Variants in LRRN1 observed in about 807,000 individuals in gnomAD.
LRRN1 encodes the protein leucine rich repeat neuronal 1.
Under a neutral mutation model 45.8 loss-of-function variants are expected in LRRN1, and 14 were observed. That is an observed-to-expected ratio of 0.31 (90% confidence interval 0.20 to 0.48). The LOEUF (loss-of-function observed/expected upper bound fraction) is 0.48, where lower values mean the gene tolerates loss of function less well. Ranked by LOEUF, LRRN1 falls within the 20% of genes least tolerant of loss-of-function variation. LRRN1 has a pLI of 0.99. For synonymous variants in LRRN1, 359 were observed against 330.1 expected (o/e 1.09, Z -0.95); for missense variants, 789 against 874.2 (o/e 0.90, Z 1.23).
intron 1 of LRRN1, among the ~76,000 whole-genome samples, chr3:3,837,417 C>T (rs1413628080): frequency 1.3e-5 from 2 of 152,076 alleles, no homozygotes; most frequent in African/African-American, 4.8e-5. Context: ...AGCACCATTC[C>T]TTGGGTTCCT....
At chr3:3,834,810 T>G (rs1559303156) in intron 1 of LRRN1, among the ~76,000 whole-genome samples, 1 of 151,502 alleles carries the variant, frequency 6.6e-6, no homozygotes, top group Non-Finnish European at 1.5e-5. Context: ...CTTCTTTTCA[T>G]GTTTTTCTGC....
Position 3,815,834 on chromosome 3 carries a change from A to G in LRRN1, c.-279+15915A>G, listed in dbSNP as rs114016520. Among the ~76,000 whole-genome samples, 768 of 152,298 alleles carry G rather than the reference A, an allele frequency of 5.0e-3. 8 individuals carry two copies. Among genetic ancestry groups the G allele is most frequent in the African/African-American group, 0.018 (748 of 41,570 alleles). ...AACTCTACAGAAATTTTTAAGGTAC[A>G]TGTTCATCCTAGACATATATGATTG... On this transcript the variant is annotated intron_variant, in intron 1 of 1. Coordinates refer to ENST00000319331, the MANE Select transcript of LRRN1 (RefSeq NM_020873.7).
At chr3:3,800,996 G>A (rs765338874) in intron 1 of LRRN1, 5 of 152,376 alleles carry the variant, frequency 3.3e-5, no homozygotes, top group East Asian at 1.9e-4. Context: ...GGGGCTCGGG[G>A]AAAAGTCCAG....
At chr3:3,805,842 T>TGA (rs752718048) in intron 1 of LRRN1, among the ~76,000 whole-genome samples, 1 of 152,206 alleles carries the variant, frequency 6.6e-6, no homozygotes, top group Non-Finnish European at 1.5e-5. Context: ...AAGTATATAT[T>TGA]GAGCACCTGC....
chr3:3,844,654 A>T lies in LRRN1; in HGVS notation c.13A>T (p.Ser5Cys). 2 of 1,610,436 alleles carry T rather than the reference A, an allele frequency of 1.2e-6. No individual in the cohort carries two copies. The highest frequency in any genetic ancestry group is 1.7e-6 in the Non-Finnish European group (2 of 1,177,474). The change falls in exon 2 of 2, where the codon AGC (serine) becomes TGC (cysteine). Residue 5 changes from serine to cysteine, a missense_variant. Transcript: ENST00000319331. MARM[S>C]FVIAACQLVL... Reference sequence around the variant, plus strand: ...TCAGCAAGCCAGCATGGCTAGGATGAGCTTTGTTATAGCAGCTTGCCAATT... The same window carrying T: ...TCAGCAAGCCAGCATGGCTAGGATGTGCTTTGTTATAGCAGCTTGCCAATT...
At chr3:3,802,457 C>T (rs1363516248) in intron 1 of LRRN1, among the ~76,000 whole-genome samples, 1 of 152,166 alleles carries the variant, frequency 6.6e-6, no homozygotes, top group Non-Finnish European at 1.5e-5. Context: ...ATACAACACC[C>T]CCCCAACCCC....
rs139395813 is a variant in LRRN1 at position 3,821,707 on chromosome 3, G to C, written c.-279+21788G>C. ...AACAGGTTTGTCTCAATCACAAACA[G>C]TAGGATGGATTTTTGCTAAATTGCA... On this transcript the variant is annotated intron_variant, in intron 1 of 1. Transcript: ENST00000319331. 1.1e-3 allele frequency among the ~76,000 whole-genome samples: 165 copies of C among 152,342 alleles called. 4 individuals are homozygous for C. In the East Asian group the frequency reaches 0.029, roughly 27 times the overall value.
rs1453964871 is a variant in LRRN1, at chr3:3,816,129, AGCTATTATAGAAT to A, written c.-279+16213_-279+16225del. Among the ~76,000 whole-genome samples, 14 of 152,198 alleles carry A rather than the reference AGCTATTATAGAAT, an allele frequency of 9.2e-5. No homozygotes were observed. The highest frequency in any genetic ancestry group is 2.9e-5 in the Non-Finnish European group (2 of 68,022). ...TTAATAATGAACATATTAGTTGAAG[AGCTATTATAGAAT>A]GCACTATGATTTATAATGCATTTTA... On this transcript the variant is annotated intron_variant, in intron 1 of 1. Coordinates refer to ENST00000319331, the MANE Select transcript of LRRN1 (RefSeq NM_020873.7). The surrounding 1 kb of genome is among the most constrained non-coding windows in gnomAD (Gnocchi z 4.0).
chr3:3,830,558 G>A (rs530376596), intron 1 of LRRN1, among the ~76,000 whole-genome samples: 14 of 152,310 alleles, frequency 9.2e-5, no homozygotes, highest in African/African-American at 3.4e-4. Context: ...TGTGAACCAG[G>A]CCCTAGTCTT....
At position 3,799,845 on chromosome 3, in the gene LRRN1, C is replaced by T; in HGVS notation, c.-353C>T. The stretch of plus-strand genomic sequence containing the variant: ...CCTCCTCGTCTTTCTCCTCCTCCTG[C>T]TGCTGCTGCCGCCGCCGCCGCCGTG... On this transcript the variant is annotated 5_prime_UTR_variant, in exon 1 of 2. Transcript: ENST00000319331. 6.1e-6 allele frequency: 1 copy of T among 163,694 alleles called. No individual in the cohort carries two copies. Among genetic ancestry groups the T allele is most frequent in the Non-Finnish European group, 1.3e-5 (1 of 76,448 alleles). 10.1% of individuals were successfully genotyped at this position (163,694 alleles called of 1,614,324 possible).
chr3:3,817,036 C>G (rs931335072), intron 1 of LRRN1, among the ~76,000 whole-genome samples: 1 of 152,100 alleles, frequency 6.6e-6, no homozygotes, highest in African/African-American at 2.4e-5. Flanking sequence ...TTATGGAGGC[C>G]GAGAAGCCCC....
In LRRN1 at chr3:3,829,571, T is replaced by C. The variant is rs540516304; in HGVS notation, c.-278-14793T>C. Among the ~76,000 whole-genome samples, 9 of 152,300 alleles carry C rather than the reference T, an allele frequency of 5.9e-5. No homozygotes were observed. In the South Asian group the frequency reaches 1.7e-3, roughly 28 times the overall value. On this transcript the variant is annotated intron_variant, in intron 1 of 1. Coordinates refer to ENST00000319331, the MANE Select transcript of LRRN1 (RefSeq NM_020873.7). ...GAACTTTGCTGCAGCCCTGCAAATA[T>C]TGTCACCTAGTTGGCATTTTAATTG... is the stretch of plus-strand genomic sequence containing the variant.
intron 1 of LRRN1, among the ~76,000 whole-genome samples, chr3:3,807,178 A>G (rs528429119): frequency 1.3e-5 from 2 of 152,226 alleles, no homozygotes; most frequent in African/African-American, 4.8e-5. Context: ...CCCCCTACCT[A>G]ATGGCTTATC....
intron 1 of LRRN1, among the ~76,000 whole-genome samples, chr3:3,814,551 A>G (rs1338817384): frequency 3.9e-5 from 6 of 152,142 alleles, no homozygotes; most frequent in African/African-American, 1.2e-4. Context: ...TAAAATTTGT[A>G]TATTGGAACT....
Position 3,844,729 on chromosome 3 carries a change from A to C in LRRN1, c.88A>C (p.Ser30Arg), listed in dbSNP as rs1171147705. 1 of 1,614,150 alleles carries C rather than the reference A, an allele frequency of 6.2e-7. No individual in the cohort carries two copies. Among genetic ancestry groups the C allele is most frequent in the Non-Finnish European group, 8.5e-7 (1 of 1,180,014 alleles). Reference sequence around the variant, plus strand: ...ATTAACCGAGTCTTCCATACAGAATAGTGAGTGTCCACAACTTTGCGTATG... The same window carrying C: ...ATTAACCGAGTCTTCCATACAGAATCGTGAGTGTCCACAACTTTGCGTATG... ...TSLTESSIQNSECPQLCVCEI... is the reference protein window; with the variant it reads ...TSLTESSIQNRECPQLCVCEI... Residue 30 changes from serine (S) to arginine (R), a missense_variant, in exon 2 of 2, where the codon AGT becomes CGT. By Grantham distance (110) the Ser-to-Arg change is moderately radical (BLOSUM62 -1). Coordinates refer to ENST00000319331, the MANE Select transcript of LRRN1 (RefSeq NM_020873.7).
chr3:3,839,313 A>G (rs530581564), intron 1 of LRRN1, among the ~76,000 whole-genome samples: 53 of 152,274 alleles, frequency 3.5e-4, no homozygotes, highest in Admixed American at 1.2e-3. Context: ...GAGCATGTAT[A>G]GAAGGCTTTA....
At chr3:3,818,656 T>A (rs534888720) in intron 1 of LRRN1, among the ~76,000 whole-genome samples, 18 of 152,324 alleles carry the variant, frequency 1.2e-4, no homozygotes, top group Admixed American at 1.0e-3. Flanking sequence ...GTATCTGGTG[T>A]GTGACTTTCA....
intron 1 of LRRN1, among the ~76,000 whole-genome samples, chr3:3,825,069 G>A (rs935339825): frequency 3.9e-5 from 6 of 152,156 alleles, no homozygotes; most frequent in Admixed American, 6.5e-5. Flanking sequence ...CACCCTTCCC[G>A]TCTGTCCCAA....
intron 1 of LRRN1, among the ~76,000 whole-genome samples, chr3:3,823,145 A>C (rs1693139664): frequency 6.6e-6 from 1 of 152,126 alleles, no homozygotes; most frequent in Non-Finnish European, 1.5e-5. Flanking sequence ...AGAGCTATAA[A>C]TGCTCCCAGG....
Sources: gnomAD v4.1 joint callset for allele counts (sites outside exome capture counted in the v4.1 genomes callset) on GRCh38, gnomAD v4.1.1 for gene constraint, Gnocchi (gnomAD v3.1) non-coding constraint, MANE v1.5 for transcripts, NCBI Gene and HGNC (gene_info 2026-07-23, HGNC 2026-07-21) for gene names.